Variants in ROBO2 observed in about 807,000 individuals in gnomAD.
ROBO2 encodes roundabout homolog 2.
In ROBO2, 53 loss-of-function variants were observed where a neutral mutation model predicts 160.8. The ratio of observed to expected loss-of-function variants is 0.33; its 90% CI spans 0.26 to 0.41. ROBO2 has a LOEUF of 0.41. Ranked by LOEUF, ROBO2 falls within the 10% of genes least tolerant of loss-of-function variation. ROBO2 has a pLI of 1.00. For synonymous variants in ROBO2, 664 were observed against 611.7 expected, an observed-to-expected ratio of 1.09 and a Z score of -1.26; for missense variants, 1,577 against 1,722.4, an observed-to-expected ratio of 0.92 and a Z score of 1.49.
intron 2 of ROBO2, among the ~76,000 whole-genome samples, chr3:76,201,981 A>G (rs770200892): frequency 6.6e-6 from 1 of 152,168 alleles, no homozygotes; most frequent in African/African-American, 2.4e-5. Context: ...TAAAACGCCA[A>G]ACAAGAACAT....
At chr3:76,931,324 T>C (rs1411523071) in intron 2 of ROBO2, among the ~76,000 whole-genome samples, 4 of 152,206 alleles carry the variant, frequency 2.6e-5, no homozygotes, top group Admixed American at 2.0e-4. Context: ...TAGAAATATA[T>C]GCCACATTGT....
intron 2 of ROBO2, among the ~76,000 whole-genome samples, chr3:77,027,071 GAA>G (rs1432767820): frequency 1.3e-5 from 2 of 152,176 alleles, no homozygotes; most frequent in Admixed American, 6.5e-5. Context: ...CATCAGCAGT[GAA>G]AAGTCATGTA....
chr3:76,319,630 C>G (rs2072345120), intron 2 of ROBO2, among the ~76,000 whole-genome samples: 1 of 116,488 alleles, frequency 8.6e-6, no homozygotes, highest in South Asian at 2.9e-4. Context: ...CTCAATTTCT[C>G]AATTTAGGGT....
At chr3:77,522,726 A>T (rs1411529693) in intron 5 of ROBO2, 49 bp from the exon 6 acceptor site, 1 of 1,572,126 alleles carries the variant, frequency 6.4e-7, no homozygotes, top group Admixed American at 1.7e-5. Flanking sequence ...TAATGTTATT[A>T]TCCGTATAGC....
At position 77,607,892 on chromosome 3, in the gene ROBO2, C is replaced by G. The variant is rs377172589; in HGVS notation, c.3231C>G (p.Pro1077=). ...GGGCCAATGTCCCTCTACCTCCCCC[C>G]CCAGTCCAGCCCCTTCCTGGCACGG... Residue 1077 remains proline (P), a synonymous_variant, in exon 21 of 26, where the codon CCC becomes CCG. Transcript: ENST00000461745. 78 of 1,614,012 alleles carry G rather than the reference C, an allele frequency of 4.8e-5. No individual in the cohort carries two copies. In the African/African-American group the frequency reaches 5.7e-4, roughly 12 times the overall value.
chr3:76,429,697 T>A (rs750706795), intron 2 of ROBO2, among the ~76,000 whole-genome samples: 10 of 152,182 alleles, frequency 6.6e-5, no homozygotes, highest in Non-Finnish European at 7.3e-5. Context: ...CCTCATAAAC[T>A]TAGAGGCACA....
At position 77,601,593 on chromosome 3, in the gene ROBO2, G is replaced by T. The variant is rs558441378; in HGVS notation, c.2855-617G>T. Among the ~76,000 whole-genome samples, 9 of 152,162 alleles carry T rather than the reference G, an allele frequency of 5.9e-5. No individual in the cohort carries two copies. In the East Asian group the frequency reaches 1.5e-3, roughly 26 times the overall value. ...ATTAAACTCACCGATCACTGAGATT[G>T]CTTTTTCTATAGTTAAATTCTGCTA... On this transcript the variant is annotated intron_variant, in intron 19 of 25. Transcript: ENST00000461745.
intron 2 of ROBO2, among the ~76,000 whole-genome samples, chr3:76,961,840 A>C (rs1053248669): frequency 3.9e-5 from 6 of 152,036 alleles, no homozygotes; most frequent in African/African-American, 1.4e-4. Flanking sequence ...TTCATGCTAT[A>C]TTTTTCTGAG....
intron 2 of ROBO2, among the ~76,000 whole-genome samples, chr3:77,149,921 T>G (rs960060695): frequency 6.6e-6 from 1 of 152,140 alleles, no homozygotes. Flanking sequence ...TAGGCGGGAT[T>G]ACAAATAACT....
rs576436892 is a variant in ROBO2 at position 76,115,098 on chromosome 3, A to G, written c.109+177496A>G. ...TTTAACAGATGTTCTTATGGTTAGA[A>G]CTCAACTTCGCATAAATCACTGTAA... On this transcript the variant is annotated intron_variant, in intron 2 of 26. Transcript: ENST00000487694. Among the ~76,000 whole-genome samples the G allele has an allele frequency of 5.0e-4, 76 of 152,210 alleles. 1 individual carries two copies. Among genetic ancestry groups the G allele is most frequent in the African/African-American group, 1.7e-3 (72 of 41,554 alleles).
intron 2 of ROBO2, among the ~76,000 whole-genome samples, chr3:76,963,091 G>A (rs1267635256): frequency 6.6e-6 from 1 of 152,060 alleles, no homozygotes; most frequent in Non-Finnish European, 1.5e-5. Context: ...AGGAAGAAAA[G>A]TTTGTTTAAA....
At chr3:77,528,523 T>A (rs541513114) in intron 6 of ROBO2, among the ~76,000 whole-genome samples, 1 of 151,804 alleles carries the variant, frequency 6.6e-6, no homozygotes, top group South Asian at 2.1e-4. Context: ...GGTTTCCCAA[T>A]CTGACTTTCT....
intron 2 of ROBO2, among the ~76,000 whole-genome samples, chr3:77,282,846 G>A (rs575358713): frequency 6.6e-6 from 1 of 151,560 alleles, no homozygotes; most frequent in South Asian, 2.1e-4. Context: ...TATTTATCTA[G>A]AGTGAACGCT....
At chr3:77,203,219 A>G (rs2083082730) in intron 2 of ROBO2, among the ~76,000 whole-genome samples, 1 of 152,224 alleles carries the variant, frequency 6.6e-6, no homozygotes. Flanking sequence ...TGAAGGATTT[A>G]TGTGATTTGT....
intron 2 of ROBO2, among the ~76,000 whole-genome samples, chr3:76,826,760 C>T (rs2066625926): frequency 6.6e-6 from 1 of 152,084 alleles, no homozygotes; most frequent in African/African-American, 2.4e-5. Flanking sequence ...GTGCTGGTCT[C>T]CATAATTTTA....
At chr3:77,551,155 T>C (rs2092906085) in intron 8 of ROBO2, among the ~76,000 whole-genome samples, 166 bp downstream of exon 9, 2 of 152,074 alleles carry the variant, frequency 1.3e-5, no homozygotes, top group Non-Finnish European at 2.9e-5. Context: ...TTCTCCCTGA[T>C]TGAATACCAC....
intron 2 of ROBO2, among the ~76,000 whole-genome samples, chr3:76,614,868 G>A (rs879546266): frequency 7.2e-5 from 11 of 151,954 alleles, no homozygotes; most frequent in Non-Finnish European, 1.3e-4. Context: ...GAAACAAATC[G>A]GGGTGACATA....
intron 2 of ROBO2, among the ~76,000 whole-genome samples, chr3:75,979,273 A>G (rs2065214290): frequency 6.6e-6 from 1 of 151,624 alleles, no homozygotes; most frequent in African/African-American, 2.4e-5. Flanking sequence ...AAAGGGATGA[A>G]TGAGCCTTAT....
At chr3:76,419,850 TG>T (rs2075915915) in intron 2 of ROBO2, among the ~76,000 whole-genome samples, 2 of 152,172 alleles carry the variant, frequency 1.3e-5, no homozygotes, top group Non-Finnish European at 2.9e-5. Flanking sequence ...TGATATTCAA[TG>T]TGAAGCAACT....
Sources: gnomAD v4.1 joint callset for allele counts (sites outside exome capture counted in the v4.1 genomes callset) on GRCh38, gnomAD v4.1.1 for gene constraint, MANE v1.5 for transcripts, NCBI Gene and HGNC (gene_info 2026-07-23, HGNC 2026-07-21) for gene names.